The following DOCK5 variants were observed in gnomAD, a reference collection of about 807,000 sequenced individuals.
The protein encoded by DOCK5 is dedicator of cytokinesis protein 5.
DOCK5 carries 142 observed loss-of-function variants against 251.8 expected under a neutral mutation model. The observed-to-expected ratio is 0.56, with a 90% CI of 0.49 to 0.65. DOCK5 has a LOEUF of 0.65. DOCK5 is among the 30% of genes least tolerant of loss of function. The pLI is 0.00. For missense variants in DOCK5, 2,111 were observed against 2,312.3 expected, an observed-to-expected ratio of 0.91 and a Z score of 1.79; for synonymous variants, 842 against 835.5, an observed-to-expected ratio of 1.01 and a Z score of -0.13.
rs567792101 is a variant in DOCK5, at chr8:25,359,180, T to G, written c.2949+119T>G. 109 of 801,068 alleles carry G rather than the reference T, an allele frequency of 1.4e-4. No homozygotes were observed. The African/African-American group carries it at 1.7e-3, about 12-fold the overall frequency. 49.6% of individuals were successfully genotyped at this position (801,068 alleles called of 1,614,324 possible). On this transcript the variant is annotated intron_variant, in intron 28 of 51. Transcript: ENST00000276440. ...CTTCCCACGCACCTCCGGTGCTATG[T>G]GGCTGTCCACAGTGATTACAGAAAG... is the stretch of plus-strand genomic sequence containing the variant.
In DOCK5 at chr8:25,407,989, C is replaced by T. The variant is rs1178324555; in HGVS notation, c.5100C>T (p.Ile1700=). 2 of 1,611,466 alleles carry T rather than the reference C, an allele frequency of 1.2e-6. No individual in the cohort carries two copies. Among genetic ancestry groups the T allele is most frequent in the East Asian group, 4.5e-5 (2 of 44,840 alleles). ...CCTTGTTCCTGGCCAATAGCTCAAT[C>T]TTGGAGCCACTTTTGGAGCGCAGGG... ...APSRPGSDGS[I]LEPLLERRAS... is the part of the protein sequence containing the mutation. Residue 1700 remains isoleucine, a synonymous_variant, in exon 49 of 52, where the codon ATC becomes ATT. Coordinates refer to ENST00000276440, the MANE Select transcript of DOCK5 (RefSeq NM_024940.8).
intron 10 of DOCK5, 48 bp downstream of exon 10, chr8:25,302,502 A>G: frequency 6.9e-7 from 1 of 1,453,546 alleles, no homozygotes; most frequent in Non-Finnish European, 9.1e-7. Flanking sequence ...AGTGCTGTGG[A>G]AAATAGCATG....
rs1028373855 is a variant in DOCK5 at position 25,241,112 on chromosome 8, T to C, written c.44-2562T>C. Among the ~76,000 whole-genome samples the C allele has an allele frequency of 3.3e-5, 5 of 152,220 alleles. No individual in the cohort carries two copies. In the East Asian group the frequency reaches 5.8e-4, roughly 18 times the overall value. On this transcript the variant is annotated intron_variant, in intron 1 of 51. Transcript: ENST00000276440. ...AGAGCTCCTCTCAAAATCCTTATCATTGGTCATTAGAAAAATGCAAATAAA... is the reference window on the plus strand; with the variant it reads ...AGAGCTCCTCTCAAAATCCTTATCACTGGTCATTAGAAAAATGCAAATAAA...
At chr8:25,400,109 C>T in intron 46 of DOCK5, 115 bp downstream of exon 46, 1 of 815,280 alleles carries the variant, frequency 1.2e-6, no homozygotes. Flanking sequence ...CTTTTTTTAA[C>T]CCTTGTGAAA....
At chr8:25,331,652 A>T (rs1805683378) in intron 18 of DOCK5, among the ~76,000 whole-genome samples, 1 of 152,082 alleles carries the variant, frequency 6.6e-6, no homozygotes, top group Non-Finnish European at 1.5e-5. Flanking sequence ...AAATCAGATA[A>T]ATATGTAATA....
chr8:25,268,962 C>T, intron 3 of DOCK5, 77 bp downstream of exon 3: 1 of 1,230,020 alleles, frequency 8.1e-7, no homozygotes, highest in East Asian at 2.7e-5. Flanking sequence ...TGACCCTCTC[C>T]TCTGCTCTCT....
At chr8:25,199,374 T>A (rs1563305071) in intron 1 of DOCK5, among the ~76,000 whole-genome samples, 2 of 125,334 alleles carry the variant, frequency 1.6e-5, no homozygotes, top group Non-Finnish European at 3.2e-5. Flanking sequence ...CCATTTCCGC[T>A]CTGTTCTTTT....
intron 13 of DOCK5, among the ~76,000 whole-genome samples, chr8:25,313,457 C>T (rs1461824673): frequency 6.6e-6 from 1 of 152,152 alleles, no homozygotes; most frequent in Non-Finnish European, 1.5e-5. Context: ...CTTTTCTCTG[C>T]TTCTCCATTT....
At chr8:25,388,179 G>T (rs1331779141) in intron 40 of DOCK5, among the ~76,000 whole-genome samples, 1 of 152,332 alleles carries the variant, frequency 6.6e-6, no homozygotes. Context: ...TAGAAGGTAA[G>T]TTCTGTGAGA....
intron 1 of DOCK5, among the ~76,000 whole-genome samples, chr8:25,220,313 G>A (rs904769641): frequency 3.3e-5 from 5 of 152,030 alleles, no homozygotes; most frequent in Non-Finnish European, 7.4e-5. Flanking sequence ...AAAGTTGATT[G>A]GATGCTCTGT....
In DOCK5 at chr8:25,398,896, C is replaced by G. The variant is rs922318870; in HGVS notation, c.4705-1015C>G. On this transcript the variant is annotated intron_variant, in intron 45 of 51. Transcript: ENST00000276440. Reference sequence around the variant, plus strand: ...AGGAATTTGGGGGACATAATTCAACCCATAATGTCTGCTCGCAAGATAGGC... The same window carrying G: ...AGGAATTTGGGGGACATAATTCAACGCATAATGTCTGCTCGCAAGATAGGC... Among the ~76,000 whole-genome samples the G allele has an allele frequency of 4.6e-5, 7 of 152,296 alleles. No individual in the cohort carries two copies. In the South Asian group the frequency reaches 6.2e-4, roughly 14 times the overall value.
intron 1 of DOCK5, among the ~76,000 whole-genome samples, chr8:25,234,483 A>C (rs1193822756): frequency 6.6e-6 from 1 of 152,186 alleles, no homozygotes; most frequent in African/African-American, 2.4e-5. Context: ...AGACTGCAAT[A>C]GTTGCTATCA....
At position 25,366,887 on chromosome 8, in the gene DOCK5, C is replaced by G. The variant is rs573629434; in HGVS notation, c.3141C>G (p.Phe1047Leu). 5.6e-6 allele frequency: 9 copies of G among 1,613,712 alleles called. No homozygotes were observed. In the Admixed American group the frequency reaches 6.7e-5, roughly 12 times the overall value. The change falls in exon 31 of 52, where the codon TTC becomes TTG. Residue 1047 changes from phenylalanine (F) to leucine (L), a missense_variant. Phe to Leu is a conservative substitution (Grantham distance 22). Transcript: ENST00000276440. ...TTGAACAGCTCTGGAACAATTACTT[C>G]CATTTGGCAGTTGCATTTCTCACCC... Reference protein sequence around the residue: ...SFELQLWNNYFHLAVAFLTHE... With the variant: ...SFELQLWNNYLHLAVAFLTHE...
chr8:25,404,553 C>A (rs1335780543), intron 48 of DOCK5, among the ~76,000 whole-genome samples: 1 of 152,142 alleles, frequency 6.6e-6, no homozygotes, highest in Non-Finnish European at 1.5e-5. Flanking sequence ...TCAAATATTT[C>A]ACATTTTGGA....
chr8:25,301,516 T>G (rs1804762100), intron 9 of DOCK5, among the ~76,000 whole-genome samples: 1 of 152,116 alleles, frequency 6.6e-6, no homozygotes, highest in African/African-American at 2.4e-5. Flanking sequence ...TTTTCTGAAG[T>G]CGAACTGAAT....
chr8:25,314,300 G>A (rs77671853), intron 13 of DOCK5, among the ~76,000 whole-genome samples: 1 of 80,456 alleles, frequency 1.2e-5, no homozygotes, highest in South Asian at 3.6e-4. Flanking sequence ...TTTTTTTTTT[G>A]TAGAGATCAA....
intron 45 of DOCK5, among the ~76,000 whole-genome samples, chr8:25,399,139 T>C (rs1801395281): frequency 6.6e-6 from 1 of 152,234 alleles, no homozygotes; most frequent in Non-Finnish European, 1.5e-5. Flanking sequence ...TTTTGGAGTC[T>C]GTTGGAAACG....
intron 46 of DOCK5, 36 bp from the exon 47 acceptor site, chr8:25,400,893 A>G: frequency 6.2e-7 from 1 of 1,611,896 alleles, no homozygotes; most frequent in Non-Finnish European, 8.5e-7. Context: ...CCTCTTCCTG[A>G]AGCACACTGC....
chr8:25,204,995 A>G (rs1469576467), intron 1 of DOCK5, among the ~76,000 whole-genome samples: 3 of 151,964 alleles, frequency 2.0e-5, no homozygotes, highest in African/African-American at 4.8e-5. Flanking sequence ...AGATGAGTTC[A>G]TGGTGGGGCC....
Sources: allele counts gnomAD v4.1 joint callset (sites outside exome capture counted in the v4.1 genomes callset), GRCh38; gene constraint gnomAD v4.1.1; transcripts MANE v1.5; gene names NCBI Gene and HGNC (gene_info 2026-07-23, HGNC 2026-07-21).